LRIG2: variants seen among roughly 807,000 people sequenced by gnomAD.
The protein encoded by LRIG2 is leucine rich repeats and immunoglobulin like domains 2, also known as leucine-rich repeats and immunoglobulin-like domains protein 2.
In LRIG2, 93 loss-of-function variants were observed where a neutral mutation model predicts 107.8. That is an observed-to-expected ratio of 0.86 (90% CI 0.73 to 1.03). LRIG2 has a LOEUF of 1.03. Ranked by LOEUF, LRIG2 falls within the 50% of genes least tolerant of loss-of-function variation. LRIG2 has a pLI of 0.00. For synonymous variants in LRIG2, 471 were observed against 470.6 expected (o/e 1.00, Z -0.01); for missense variants, 1,226 against 1,296.0 (o/e 0.95, Z 0.83).
intron 11 of LRIG2, chr1:113,103,787 T>G (rs927417486): frequency 1.1e-4 from 16 of 152,178 alleles, no homozygotes; most frequent in Admixed American, 1.3e-4. Context: ...TTGAAGCTGG[T>G]AAGGAAAGAT....
At chr1:113,116,191 G>T in intron 15 of LRIG2, 96 bp from the exon 16 acceptor site, 1 of 1,020,224 alleles carries the variant, frequency 9.8e-7, no homozygotes, top group Admixed American at 2.4e-5. Flanking sequence ...AGTTTTTCTT[G>T]CTAATAGTAT....
intron 1 of LRIG2, among the ~76,000 whole-genome samples, chr1:113,074,799 C>G (rs1387893374): frequency 6.6e-6 from 1 of 151,470 alleles, no homozygotes; most frequent in Admixed American, 6.6e-5. Context: ...GTCCCAGCTA[C>G]TCGGGAGGCT....
rs1178667485 is a variant in LRIG2 at position 113,093,418 on chromosome 1, T to G, written c.381-12T>G. The G allele has an allele frequency of 1.2e-6, 2 of 1,613,124 alleles. No homozygotes were observed. Among genetic ancestry groups the G allele is most frequent in the Non-Finnish European group, 1.7e-6 (2 of 1,179,652 alleles). On this transcript the variant is annotated splice_polypyrimidine_tract_variant and intron_variant, in intron 3 of 17. Transcript: ENST00000361127. ...CAGTGGCAGCAGCTTCATTATAATC[T>G]TTGTTTTACAGAGTCCATAATATAA... is the stretch of plus-strand genomic sequence containing the variant.
At position 113,083,625 on chromosome 1, in the gene LRIG2, C is replaced by T. The variant is rs557272909; in HGVS notation, c.240-7693C>T. Among the ~76,000 whole-genome samples the T allele has an allele frequency of 6.6e-5, 10 of 151,804 alleles. No homozygotes were observed. In the South Asian group the frequency reaches 1.7e-3, roughly 25 times the overall value. The stretch of plus-strand genomic sequence containing the variant: ...CTATCCAAAGTGCTGGGATTACAGA[C>T]GTGAGCCACTGTGCCCGGCCAGCTG... On this transcript the variant is annotated intron_variant, in intron 1 of 17. Coordinates refer to ENST00000361127, the MANE Select transcript of LRIG2 (RefSeq NM_014813.3).
intron 1 of LRIG2, among the ~76,000 whole-genome samples, chr1:113,083,218 C>CTTTTTT (rs11321902): frequency 8.9e-6 from 1 of 112,366 alleles, no homozygotes; most frequent in Admixed American, 9.5e-5. Flanking sequence ...CTACTGCACA[C>CTTTTTT]TTTTTTTTTT....
intron 4 of LRIG2, among the ~76,000 whole-genome samples, chr1:113,093,922 A>C (rs947724960): frequency 1.3e-5 from 2 of 152,142 alleles, no homozygotes; most frequent in Admixed American, 6.5e-5. Context: ...TGGCTTTGCC[A>C]CTCACCCCAC....
intron 12 of LRIG2, among the ~76,000 whole-genome samples, chr1:113,108,286 C>A (rs148544665): frequency 0.031 from 4,589 of 149,210 alleles, 246 homozygotes; most frequent in African/African-American, 0.11. Flanking sequence ...TGCAGTGGTG[C>A]GATCTCAGCT....
rs1655445792 is a variant in LRIG2 at position 113,125,360 on chromosome 1, A to G, written c.*1259A>G. 1 of 152,182 alleles carries G rather than the reference A, an allele frequency of 6.6e-6. No homozygotes were observed. The highest frequency in any genetic ancestry group is 1.5e-5 in the Non-Finnish European group (1 of 68,022). The allele number at this position is 152,182 out of a possible 1,614,324, so 9.4% of individuals were successfully genotyped here. A position where few individuals can be genotyped will look rare whatever the true frequency, so the allele number is the denominator to read the frequency against. Reference sequence around the variant, plus strand: ...TGCTAGGTGATACTCCCTTTCTAACATAAAAAGCTTGTTCTTTCAGAGCCT... The same window carrying G: ...TGCTAGGTGATACTCCCTTTCTAACGTAAAAAGCTTGTTCTTTCAGAGCCT... On this transcript the variant is annotated 3_prime_UTR_variant, in exon 18 of 18. Transcript: ENST00000361127.
chr1:113,093,492 G>A lies in LRIG2; in HGVS notation c.443G>A (p.Ser148Asn), dbSNP rs779130491. 6.2e-7 allele frequency: 1 copy of A among 1,612,696 alleles called. No homozygotes were observed. Among genetic ancestry groups the A allele is most frequent in the Non-Finnish European group, 8.5e-7 (1 of 1,178,886 alleles). Reference protein sequence around the residue: ...QALQFYPALESLDLSSNIISE... With the variant: ...QALQFYPALENLDLSSNIISE... ...CTCCAGTTTTACCCTGCTCTGGAGA[G>A]TTTAGACCTCAGCTCAAATATAATA... Residue 148 changes from serine to asparagine, a missense_variant, in exon 4 of 18, where the codon AGT (serine) becomes AAT (asparagine). Around this residue, in one of 3 missense-constraint regions of LRIG2, gnomAD observed 570 missense variants for 550.2 expected, o/e 1.04. Transcript: ENST00000361127.
rs369327099 is a variant in LRIG2 at position 113,078,427 on chromosome 1, C to T, written c.239+4782C>T. 6.1e-4 allele frequency among the ~76,000 whole-genome samples: 92 copies of T among 151,186 alleles called. No individual in the cohort carries two copies. In the East Asian group the frequency reaches 0.013, roughly 21 times the overall value. On this transcript the variant is annotated intron_variant, in intron 1 of 17. Coordinates refer to ENST00000361127, the MANE Select transcript of LRIG2 (RefSeq NM_014813.3). ...CTAATTTTTGTATTTTTAGTAGAGA[C>T]GGGGTTTCACCATGTTGGCCAGGCT...
chr1:113,119,416 C>T lies in LRIG2; in HGVS notation c.2864C>T (p.Thr955Ile), dbSNP rs372600026. Reference sequence around the variant, plus strand: ...TTAGTACATCCTCCCCAGGATACTACTGCCCTAGAGAGCCTGATACCGTCA... The same window carrying T: ...TTAGTACATCCTCCCCAGGATACTATTGCCCTAGAGAGCCTGATACCGTCA... ...TYLVHPPQDT[T>I]ALESLIPSAN... The change falls in exon 17 of 18, where the codon ACT (threonine) becomes ATT (isoleucine). Residue 955 changes from threonine (T) to isoleucine (I), a missense_variant. Around this residue, in one of 3 missense-constraint regions of LRIG2, gnomAD observed 642 missense variants for 712.2 expected, o/e 0.90. Transcript: ENST00000361127. The T allele has an allele frequency of 2.5e-6, 4 of 1,614,162 alleles. No individual in the cohort carries two copies. The highest frequency in any genetic ancestry group is 1.7e-6 in the Non-Finnish European group (2 of 1,180,032).
rs1325118406 is a variant in LRIG2, at chr1:113,110,472, G to A, written c.1708G>A (p.Val570Met). 1.4e-5 allele frequency: 23 copies of A among 1,613,610 alleles called. No individual in the cohort carries two copies. The highest frequency in any genetic ancestry group is 1.9e-5 in the Non-Finnish European group (23 of 1,179,496). The change falls in exon 13 of 18, where the codon GTG (valine) becomes ATG (methionine). Residue 570 changes from valine (V) to methionine (M), a missense_variant. Val to Met is a conservative substitution (Grantham distance 21, BLOSUM62 1). Around this residue, in one of 3 missense-constraint regions of LRIG2, gnomAD observed 642 missense variants for 712.2 expected, o/e 0.90. Coordinates refer to ENST00000361127, the MANE Select transcript of LRIG2 (RefSeq NM_014813.3). ...EYTSILHLFN[V>M]NFTDEGKYQC... Reference sequence around the variant, plus strand: ...TACTAGTATCTTACATCTTTTCAATGTGAATTTCACAGATGAAGGAAAATA... The same window carrying A: ...TACTAGTATCTTACATCTTTTCAATATGAATTTCACAGATGAAGGAAAATA...
rs972220862 is a variant in LRIG2 at position 113,125,859 on chromosome 1, T to C, written c.*1758T>C. The C allele has an allele frequency of 5.3e-5, 8 of 152,256 alleles. No homozygotes were observed. The highest frequency in any genetic ancestry group is 1.9e-4 in the African/African-American group (8 of 41,472). The allele number at this position is 152,256 out of a possible 1,614,324, so 9.4% of individuals were successfully genotyped here. A position where few individuals can be genotyped will look rare whatever the true frequency, so the allele number is the denominator to read the frequency against. On this transcript the variant is annotated 3_prime_UTR_variant, in exon 18 of 18. Transcript: ENST00000361127. ...GAAATTCTGTGAACAGGAATTCTTT[T>C]GGTAGTGAAATAGGTGCTCACACCT...
rs1653620634 is a variant in LRIG2 at position 113,087,692 on chromosome 1, T to C, written c.240-3626T>C. ...AGTCTTCTGTCTTTTGGGAGGTACT[T>C]TTAAAAAAAGAAATAGGAAAGGCAT... is the stretch of plus-strand genomic sequence containing the variant. On this transcript the variant is annotated intron_variant, in intron 1 of 17. Coordinates refer to ENST00000361127, the MANE Select transcript of LRIG2 (RefSeq NM_014813.3). Among the ~76,000 whole-genome samples the C allele has an allele frequency of 2.0e-5, 3 of 152,082 alleles. No homozygotes were observed. The South Asian group carries it at 6.2e-4, about 32-fold the overall frequency.
rs1019018761 is a variant in LRIG2 at position 113,131,353 on chromosome 1, T to A, written c.*7252T>A. 16 of 152,354 alleles carry A rather than the reference T, an allele frequency of 1.1e-4. No individual in the cohort carries two copies. The highest frequency in any genetic ancestry group is 3.9e-4 in the East Asian group (2 of 5,190). 9.4% of individuals were successfully genotyped at this position (152,354 alleles called of 1,614,324 possible). Reference sequence around the variant, plus strand: ...TACCCAAGTGTGTCATGGCCTTTTTTAATCATTTTAATATCCCCAGAAATG... The same window carrying A: ...TACCCAAGTGTGTCATGGCCTTTTTAAATCATTTTAATATCCCCAGAAATG... On this transcript the variant is annotated 3_prime_UTR_variant, in exon 18 of 18. Transcript: ENST00000361127.
intron 16 of LRIG2, among the ~76,000 whole-genome samples, chr1:113,116,838 G>A (rs1199977527): frequency 1.3e-5 from 2 of 152,170 alleles, no homozygotes; most frequent in Non-Finnish European, 2.9e-5. Context: ...CTAGGAGCCA[G>A]GCATGGTGGC....
At chr1:113,115,944 T>C (rs1213946697) in intron 15 of LRIG2, among the ~76,000 whole-genome samples, 1 of 152,240 alleles carries the variant, frequency 6.6e-6, no homozygotes, top group African/African-American at 2.4e-5. Flanking sequence ...AGTCTCTTTT[T>C]TTCCCTTGAA....
intron 9 of LRIG2, 121 bp downstream of exon 9, chr1:113,098,906 A>G: frequency 3.1e-6 from 2 of 645,358 alleles, no homozygotes; most frequent in East Asian, 2.8e-5. Flanking sequence ...ACACTCTGGG[A>G]GCTCTGTGGG....
intron 1 of LRIG2, among the ~76,000 whole-genome samples, chr1:113,082,259 A>G (rs1166526252): frequency 6.6e-6 from 1 of 152,198 alleles, no homozygotes; most frequent in African/African-American, 2.4e-5. Context: ...TCTTCAAGAC[A>G]TTTTTGTTAG....
Sources: allele counts gnomAD v4.1 joint callset (sites outside exome capture counted in the v4.1 genomes callset), GRCh38; gene constraint gnomAD v4.1.1; regional missense constraint gnomAD v4.1.1; transcripts MANE v1.5; gene names NCBI Gene and HGNC (gene_info 2026-07-23, HGNC 2026-07-21).